Variants in DEUP1 observed in about 807,000 individuals in gnomAD.
DEUP1 encodes coiled-coil domain containing 67.
In DEUP1, 82 loss-of-function variants were observed where a neutral mutation model predicts 87.4. The ratio of observed to expected loss-of-function variants is 0.94; its 90% CI spans 0.78 to 1.13. DEUP1 has a LOEUF of 1.13. Among genes scored for constraint, DEUP1 ranks in the 50% most tolerant of loss-of-function variants. The probability of loss-of-function intolerance (pLI) is 0.00; values close to 1 mark genes in which losing one functional copy is unlikely to be tolerated. For synonymous variants in DEUP1, 214 were observed against 222.7 expected, an observed-to-expected ratio of 0.96 and a Z score of 0.35; for missense variants, 663 against 681.5, an observed-to-expected ratio of 0.97 and a Z score of 0.30.
At chr11:93,332,869 A>G (rs964920917) in intron 2 of DEUP1, among the ~76,000 whole-genome samples, 5 of 152,212 alleles carry the variant, frequency 3.3e-5, no homozygotes, top group Non-Finnish European at 7.3e-5. Context: ...TTCTCTTCCT[A>G]TTGTTTCACT....
At chr11:93,427,465 A>G (rs1591271518) in intron 13 of DEUP1, among the ~76,000 whole-genome samples, 1 of 152,266 alleles carries the variant, frequency 6.6e-6, no homozygotes, top group East Asian at 1.9e-4. Context: ...ACCTTATACA[A>G]AAATTAATTC....
At position 93,394,540 on chromosome 11, in the gene DEUP1, G is replaced by A. The variant is rs368743294; in HGVS notation, c.1123G>A (p.Glu375Lys). ...GAGGAATGAAATCTCTGACCTAACA[G>A]AAGAGCTTCATCAGAAGGAGATCAC... ...RMRNEISDLT[E>K]ELHQKEITIA... The change falls in exon 10 of 14, where the codon GAA (glutamate) becomes AAA (lysine). Residue 375 changes from glutamate (E) to lysine (K), a missense_variant. Transcript: ENST00000298050. 4.3e-6 allele frequency: 7 copies of A among 1,611,910 alleles called. No individual in the cohort carries two copies. The highest frequency in any genetic ancestry group is 1.7e-5 in the Admixed American group (1 of 59,800).
At chr11:93,398,711 T>C (rs974726013) in intron 11 of DEUP1, among the ~76,000 whole-genome samples, 8 of 150,518 alleles carry the variant, frequency 5.3e-5, no homozygotes, top group Non-Finnish European at 1.0e-4. Context: ...ATTTGTCTTT[T>C]TCATGTCAAA....
At chr11:93,436,894 T>A (rs1296624375) in intron 13 of DEUP1, among the ~76,000 whole-genome samples, 1 of 151,658 alleles carries the variant, frequency 6.6e-6, no homozygotes, top group Non-Finnish European at 1.5e-5. Flanking sequence ...CAGATTTTTA[T>A]TTTTTTTTAA....
intron 13 of DEUP1, among the ~76,000 whole-genome samples, chr11:93,435,442 A>G (rs1948215043): frequency 6.6e-6 from 1 of 152,236 alleles, no homozygotes; most frequent in Admixed American, 6.5e-5. Flanking sequence ...ACCAGGACTC[A>G]ACAGCATGAC....
At chr11:93,378,056 C>A (rs1946125767) in intron 7 of DEUP1, among the ~76,000 whole-genome samples, 1 of 151,994 alleles carries the variant, frequency 6.6e-6, no homozygotes, top group Non-Finnish European at 1.5e-5. Context: ...TTTATCTTGA[C>A]TTTAGATCAC....
At chr11:93,433,202 T>C (rs2658781) in intron 13 of DEUP1, among the ~76,000 whole-genome samples, 126,294 of 152,182 alleles carry the variant, frequency 0.83, 52,514 homozygotes, top group East Asian at 0.91. Flanking sequence ...CACACTGGCC[T>C]AGAATCTGTG....
chr11:93,357,182 T>G, intron 4 of DEUP1, 139 bp downstream of exon 4: 1 of 582,736 alleles, frequency 1.7e-6, no homozygotes, highest in Non-Finnish European at 3.0e-6. Flanking sequence ...TGTCTTTCCC[T>G]GTTTTATATG....
chr11:93,414,430 C>T (rs1375919211), intron 12 of DEUP1, among the ~76,000 whole-genome samples: 1 of 152,112 alleles, frequency 6.6e-6, no homozygotes. Flanking sequence ...TCTCTTGAAC[C>T]TGGGAGGCGG....
At position 93,426,994 on chromosome 11, in the gene DEUP1, TAAAAAAAAAAAAAAAAAGAA is replaced by T. The variant is rs1381053120; in HGVS notation, c.1639-10526_1639-10507del. ...ATGTACCCTAAAACTTAGAGTATAATAAAAAAAAAAAAAAAAAGAAAAAAAAAAAAAAAAAAAGAAAATGG... is the reference window on the plus strand; with the variant it reads ...ATGTACCCTAAAACTTAGAGTATAATAAAAAAAAAAAAAAAAAGAAAATGG... On this transcript the variant is annotated intron_variant, in intron 13 of 13. Coordinates refer to ENST00000298050, the MANE Select transcript of DEUP1 (RefSeq NM_181645.4). Among the ~76,000 whole-genome samples the T allele has an allele frequency of 2.4e-3, 7 of 2,916 alleles. 2 individuals are homozygous for T. The highest frequency in any genetic ancestry group is 9.1e-3 in the African/African-American group (6 of 660). 1.9% of individuals were successfully genotyped at this position (2,916 alleles called of 152,430 possible). A position where few individuals can be genotyped will look rare whatever the true frequency, so the allele number is the denominator to read the frequency against.
chr11:93,399,754 T>C (rs1947059965), intron 11 of DEUP1, among the ~76,000 whole-genome samples: 1 of 151,902 alleles, frequency 6.6e-6, no homozygotes, highest in Non-Finnish European at 1.5e-5. Flanking sequence ...TTTTCTGAGA[T>C]ACAAAATCAT....
At position 93,332,070 on chromosome 11, in the gene DEUP1, A is replaced by G. The variant is rs1372796974; in HGVS notation, c.-44-146A>G. 8.1e-6 allele frequency: 4 copies of G among 494,524 alleles called. No individual in the cohort carries two copies. In the East Asian group the frequency reaches 1.2e-4, roughly 15 times the overall value. 30.6% of individuals were successfully genotyped at this position (494,524 alleles called of 1,614,324 possible). A position where few individuals can be genotyped will look rare whatever the true frequency, so the allele number is the denominator to read the frequency against. ...AACAAACAAAAAACCAAAACAGAAA[A>G]CTCAGGTTTCTATATTTTGTAGGAT... On this transcript the variant is annotated intron_variant, in intron 1 of 13. Coordinates refer to ENST00000298050, the MANE Select transcript of DEUP1 (RefSeq NM_181645.4).
At chr11:93,339,569 A>T (rs578197838) in intron 2 of DEUP1, among the ~76,000 whole-genome samples, 1 of 152,344 alleles carries the variant, frequency 6.6e-6, no homozygotes, top group East Asian at 1.9e-4. Context: ...TATTAGAAAC[A>T]GGTGGCATAT....
At chr11:93,330,159 C>G (rs1295016573), upstream of DEUP1, 1 of 152,240 alleles carries the variant, frequency 6.6e-6, no homozygotes, top group African/African-American at 2.4e-5. Flanking sequence ...CTCCTCCCAG[C>G]TGGAAGACGC....
At chr11:93,372,579 G>A (rs917960214) in intron 7 of DEUP1, among the ~76,000 whole-genome samples, 3 of 152,110 alleles carry the variant, frequency 2.0e-5, no homozygotes, top group African/African-American at 7.2e-5. Flanking sequence ...TTCTCTGCCA[G>A]CATCTACTGT....
intron 11 of DEUP1, among the ~76,000 whole-genome samples, chr11:93,406,514 A>G (rs1290343198): frequency 1.3e-5 from 2 of 152,000 alleles, no homozygotes; most frequent in Non-Finnish European, 2.9e-5. Context: ...AAATTATAAA[A>G]CAAATAGAAG....
At chr11:93,385,599 T>C in intron 8 of DEUP1, 56 bp downstream of exon 8, 1 of 1,388,490 alleles carries the variant, frequency 7.2e-7, no homozygotes, top group Non-Finnish European at 9.7e-7. Context: ...GATGTTTGAA[T>C]GTTTTTAAGA....
chr11:93,415,607 G>A (rs866253741), intron 13 of DEUP1, among the ~76,000 whole-genome samples: 1 of 151,870 alleles, frequency 6.6e-6, no homozygotes, highest in Non-Finnish European at 1.5e-5. Context: ...CACTCCAGAA[G>A]CCCCACTCAT....
intron 9 of DEUP1, among the ~76,000 whole-genome samples, chr11:93,391,203 C>T (rs534693474): frequency 2.6e-5 from 4 of 151,438 alleles, no homozygotes; most frequent in Middle Eastern, 3.4e-3. Flanking sequence ...TCCTTTTTTC[C>T]AGTCTAGAAC....
Sources: gnomAD v4.1 joint callset for allele counts (sites outside exome capture counted in the v4.1 genomes callset) on GRCh38, gnomAD v4.1.1 for gene constraint, MANE v1.5 for transcripts, NCBI Gene and HGNC (gene_info 2026-07-23, HGNC 2026-07-21) for gene names.